FTO: variants seen among roughly 807,000 people sequenced by gnomAD.
FTO encodes alpha-ketoglutarate-dependent dioxygenase FTO.
FTO carries 47 observed loss-of-function variants against 63.9 expected under a neutral mutation model. The observed-to-expected ratio is 0.74, with a 90% CI of 0.58 to 0.94. The LOEUF is 0.94. Among genes scored for constraint, FTO ranks in the 40% least tolerant of loss-of-function variants. FTO has a pLI of 0.00. For synonymous variants in FTO, 207 were observed against 224.4 expected (o/e 0.92, Z 0.69); for missense variants, 562 against 618.1 (o/e 0.91, Z 0.96).
At chr16:53,861,230 C>G (rs1470025409) in intron 4 of FTO, among the ~76,000 whole-genome samples, 1 of 152,150 alleles carries the variant, frequency 6.6e-6, no homozygotes, top group Admixed American at 6.6e-5. Flanking sequence ...AGTACATACT[C>G]TGTTGTCAGA....
intron 3 of FTO, 66 bp from the exon 4 acceptor site, chr16:53,844,089 C>A: frequency 5.6e-6 from 7 of 1,250,124 alleles, no homozygotes; most frequent in South Asian, 1.3e-5. Context: ...TCTAAAATAA[C>A]AATTATAAAA....
intron 3 of FTO, among the ~76,000 whole-genome samples, chr16:53,839,704 A>T (rs1046731595): frequency 5.3e-5 from 8 of 151,854 alleles, no homozygotes; most frequent in Non-Finnish European, 1.0e-4. Flanking sequence ...GTGGCATTAA[A>T]ACTTCATAAA....
At chr16:53,858,702 C>A (rs2151849226) in intron 4 of FTO, among the ~76,000 whole-genome samples, 1 of 152,002 alleles carries the variant, frequency 6.6e-6, no homozygotes, top group Non-Finnish European at 1.5e-5. Context: ...GATCTGTCAC[C>A]CAGGCTGGAG....
intron 8 of FTO, among the ~76,000 whole-genome samples, chr16:54,078,367 A>G (rs2086051742): frequency 1.4e-5 from 2 of 147,384 alleles, no homozygotes; most frequent in African/African-American, 2.5e-5. Flanking sequence ...AATATTCTAA[A>G]TATATATTAG....
At chr16:53,717,270 A>G (rs1313641189) in intron 1 of FTO, among the ~76,000 whole-genome samples, 1 of 152,072 alleles carries the variant, frequency 6.6e-6, no homozygotes, top group Non-Finnish European at 1.5e-5. Context: ...CAGAATGCTT[A>G]TTGGTACATC....
At chr16:54,053,447 T>C (rs1420245104) in intron 8 of FTO, among the ~76,000 whole-genome samples, 1 of 152,154 alleles carries the variant, frequency 6.6e-6, no homozygotes, top group Non-Finnish European at 1.5e-5. Flanking sequence ...TTAACTTGAT[T>C]CTCTGGCCTC....
At chr16:54,023,469 CA>C (rs1484553064) in intron 8 of FTO, among the ~76,000 whole-genome samples, 1 of 152,140 alleles carries the variant, frequency 6.6e-6, no homozygotes, top group East Asian at 1.9e-4. Flanking sequence ...GCTCTTCTAC[CA>C]AGGATAATAA....
intron 5 of FTO, 82 bp from the exon 6 acceptor site, chr16:53,879,762 C>A: frequency 1.4e-6 from 2 of 1,458,018 alleles, no homozygotes; most frequent in Non-Finnish European, 1.9e-6. Flanking sequence ...CAGCCAGGGA[C>A]AAATATGAAC....
chr16:53,732,994 C>T (rs1184537030), intron 1 of FTO, among the ~76,000 whole-genome samples: 1 of 152,244 alleles, frequency 6.6e-6, no homozygotes, highest in East Asian at 1.9e-4. Flanking sequence ...CATCTATTGG[C>T]AGAGCCTTAA....
At chr16:53,995,142 C>T (rs2083905304) in intron 8 of FTO, among the ~76,000 whole-genome samples, 1 of 152,184 alleles carries the variant, frequency 6.6e-6, no homozygotes, top group South Asian at 2.1e-4. Context: ...ATGGCACTGT[C>T]TCCAGATCTT....
chr16:54,036,741 G>A (rs1043840668), intron 8 of FTO, among the ~76,000 whole-genome samples: 8 of 152,148 alleles, frequency 5.3e-5, no homozygotes, highest in Non-Finnish European at 7.3e-5. Flanking sequence ...ATAAATGGAG[G>A]CAATAATATT....
intron 7 of FTO, among the ~76,000 whole-genome samples, chr16:53,904,446 A>G (rs1353399167): frequency 5.9e-5 from 9 of 152,204 alleles, no homozygotes; most frequent in African/African-American, 2.2e-4. Context: ...AGGAACACCC[A>G]TCTGTCCTTG....
At chr16:53,757,603 CA>C (rs2076953939) in intron 1 of FTO, among the ~76,000 whole-genome samples, 1 of 151,298 alleles carries the variant, frequency 6.6e-6, no homozygotes, top group Non-Finnish European at 1.5e-5. Flanking sequence ...ATAAAATGCC[CA>C]AGTATATTAT....
At chr16:53,929,970 C>G (rs2082240769) in intron 7 of FTO, among the ~76,000 whole-genome samples, 1 of 152,122 alleles carries the variant, frequency 6.6e-6, no homozygotes, top group African/African-American at 2.4e-5. Flanking sequence ...TGCTAGGTGG[C>G]ACTTGGGGAC....
At chr16:53,988,797 C>T (rs1432750051) in intron 8 of FTO, among the ~76,000 whole-genome samples, 1 of 152,044 alleles carries the variant, frequency 6.6e-6, no homozygotes, top group Non-Finnish European at 1.5e-5. Context: ...AGGTTTGAAC[C>T]CATTATGCCT....
At chr16:53,760,329 C>A (rs1567963028) in intron 1 of FTO, among the ~76,000 whole-genome samples, 1 of 151,230 alleles carries the variant, frequency 6.6e-6, no homozygotes, top group African/African-American at 2.4e-5. Context: ...GTCACTGCAG[C>A]CTTGACCTCT....
At chr16:53,809,575 A>C (rs992421100) in intron 1 of FTO, among the ~76,000 whole-genome samples, 1 of 152,196 alleles carries the variant, frequency 6.6e-6, no homozygotes, top group African/African-American at 2.4e-5. Context: ...AGAGTGAATC[A>C]AATTGTCTCA....
intron 8 of FTO, among the ~76,000 whole-genome samples, chr16:53,969,349 A>C (rs185914513): frequency 6.6e-6 from 1 of 152,208 alleles, no homozygotes; most frequent in Non-Finnish European, 1.5e-5. Flanking sequence ...AGGTAAGGAC[A>C]TTCGGCCCAG....
intron 8 of FTO, among the ~76,000 whole-genome samples, chr16:54,018,080 ACT>A (rs1192023719): frequency 3.3e-5 from 5 of 151,404 alleles, no homozygotes; most frequent in East Asian, 1.9e-4. Context: ...TTATTCTAGT[ACT>A]CTCTTTTTCA....
Sources: allele counts gnomAD v4.1 joint callset (sites outside exome capture counted in the v4.1 genomes callset), GRCh38; gene constraint gnomAD v4.1.1; transcripts MANE v1.5; gene names NCBI Gene and HGNC (gene_info 2026-07-23, HGNC 2026-07-21).